MCPH1: variants seen among roughly 807,000 people sequenced by gnomAD.
The protein encoded by MCPH1 is microcephalin.
A neutral mutation model predicts 84.5 loss-of-function variants in MCPH1; 104 were observed. The ratio of observed to expected loss-of-function variants is 1.23; its 90% CI spans 1.05 to 1.45. MCPH1 has a LOEUF of 1.45. Ranked by LOEUF, MCPH1 falls within the 40% of genes most tolerant of loss-of-function variation. The pLI is 0.00. For synonymous variants in MCPH1, 514 were observed against 366.8 expected, an observed-to-expected ratio of 1.40 and a Z score of -4.58; for missense variants, 1,498 against 1,005.7, an observed-to-expected ratio of 1.49 and a Z score of -6.62.
intron 12 of MCPH1, chr8:6,562,578 T>TTTTTTTTTTTTTTTTTAAAAA: frequency 1.1e-6 from 1 of 880,186 alleles, no homozygotes; most frequent in Non-Finnish European, 1.6e-6. Context: ...TTTTGGTTGT[T>TTTTTTTTTTTTTTTTTAAAAA]AAAACCTGAG....
intron 9 of MCPH1, among the ~76,000 whole-genome samples, chr8:6,457,179 C>CT (rs1451190532): frequency 1.3e-5 from 2 of 152,256 alleles, no homozygotes; most frequent in East Asian, 3.9e-4. Context: ...TTTAAGTCTT[C>CT]TTTTAAAAAT....
chr8:6,420,332 C>T (rs957288838), intron 3 of MCPH1, among the ~76,000 whole-genome samples: 2 of 152,024 alleles, frequency 1.3e-5, no homozygotes, highest in African/African-American at 4.8e-5. Flanking sequence ...CATGTAAGTT[C>T]TCCAGGCTGT....
At chr8:6,536,275 A>G (rs1206635145) in intron 12 of MCPH1, among the ~76,000 whole-genome samples, 4 of 152,116 alleles carry the variant, frequency 2.6e-5, no homozygotes, top group African/African-American at 9.7e-5. Context: ...CCTGTGCTGT[A>G]TGGGAATCGC....
chr8:6,630,261 G>C (rs1258544456), intron 13 of MCPH1, among the ~76,000 whole-genome samples: 1 of 152,154 alleles, frequency 6.6e-6, no homozygotes, highest in Non-Finnish European at 1.5e-5. Flanking sequence ...TGTTGAAAAA[G>C]AAAGGCAGAG....
At chr8:6,544,698 A>G (rs934321968) in intron 12 of MCPH1, among the ~76,000 whole-genome samples, 1 of 152,208 alleles carries the variant, frequency 6.6e-6, no homozygotes, top group Non-Finnish European at 1.5e-5. Context: ...ATTTTTACAG[A>G]AAATGGCACT....
At chr8:6,546,826 A>G (rs924183674) in intron 12 of MCPH1, among the ~76,000 whole-genome samples, 26 of 152,166 alleles carry the variant, frequency 1.7e-4, no homozygotes, top group Non-Finnish European at 1.5e-4. Context: ...CTATGATTTG[A>G]TATGTTTATC....
chr8:6,503,149 G>C (rs757132919), intron 12 of MCPH1: 1 of 1,614,156 alleles, frequency 6.2e-7, no homozygotes, highest in Non-Finnish European at 8.5e-7. Context: ...TGAGCGAATA[G>C]CCTGAGCCTT....
chr8:6,598,296 A>C lies in MCPH1; in HGVS notation c.2215-23158A>C, dbSNP rs149110558. ...CAAGTTTAGGATGCAGCACATGCCA[A>C]GCTTTTCAGAGTCTCACAGTCAGGA... On this transcript the variant is annotated intron_variant, in intron 12 of 13. Coordinates refer to ENST00000344683, the MANE Select transcript of MCPH1 (RefSeq NM_024596.5). 3.0e-3 allele frequency among the ~76,000 whole-genome samples: 460 copies of C among 152,284 alleles called. 6 individuals are homozygous for C. The highest frequency in any genetic ancestry group is 0.011 in the African/African-American group (440 of 41,568).
chr8:6,426,639 A>G (rs532982443), intron 3 of MCPH1, among the ~76,000 whole-genome samples: 22 of 152,320 alleles, frequency 1.4e-4, no homozygotes, highest in Admixed American at 6.5e-5. Flanking sequence ...TACAATGGAC[A>G]TTTACATTTG....
At chr8:6,455,096 T>C (rs1364358553) in intron 8 of MCPH1, 47 bp from the exon 9 acceptor site, 1 of 1,408,280 alleles carries the variant, frequency 7.1e-7, no homozygotes, top group Admixed American at 1.7e-5. Context: ...AAGTTGTATT[T>C]GGTCCATGTA....
intron 8 of MCPH1, among the ~76,000 whole-genome samples, chr8:6,451,954 A>G (rs2129556490): frequency 6.6e-6 from 1 of 152,344 alleles, no homozygotes; most frequent in South Asian, 2.1e-4. Context: ...TAGCATTGTT[A>G]GTCTTAATTC....
In MCPH1 at chr8:6,621,606, C is replaced by A. The variant is rs764585700; in HGVS notation, c.2367C>A (p.Val789=). 1 of 1,614,214 alleles carries A rather than the reference C, an allele frequency of 6.2e-7. No individual in the cohort carries two copies. The highest frequency in any genetic ancestry group is 8.5e-7 in the Non-Finnish European group (1 of 1,180,036). Residue 789 remains valine, a synonymous_variant, in exon 13 of 14, where the codon GTC becomes GTA. Coordinates refer to ENST00000344683, the MANE Select transcript of MCPH1 (RefSeq NM_024596.5). ...VHLCGGRVSQ[V]PRQASIVIGP... ...TGTGCGGAGGCCGGGTCAGCCAAGTCCCCCGCCAGGCCAGCATCGTCATCG... is the reference window on the plus strand; with the variant it reads ...TGTGCGGAGGCCGGGTCAGCCAAGTACCCCGCCAGGCCAGCATCGTCATCG...
At chr8:6,506,084 C>T (rs1813675398) in intron 12 of MCPH1, among the ~76,000 whole-genome samples, 1 of 149,322 alleles carries the variant, frequency 6.7e-6, no homozygotes, top group South Asian at 2.1e-4. Context: ...TTTGTTATTT[C>T]ATCCAGGTTC....
intron 12 of MCPH1, among the ~76,000 whole-genome samples, chr8:6,574,971 A>C (rs1826950156): frequency 6.6e-6 from 1 of 152,232 alleles, no homozygotes; most frequent in African/African-American, 2.4e-5. Flanking sequence ...GAGATAAAGC[A>C]GTAAGAGGGA....
chr8:6,518,216 A>G (rs1363987365), intron 12 of MCPH1, among the ~76,000 whole-genome samples: 1 of 152,174 alleles, frequency 6.6e-6, no homozygotes, highest in Non-Finnish European at 1.5e-5. Flanking sequence ...CCCATTTCAC[A>G]TGCATCCTCT....
At chr8:6,618,586 CAG>C (rs1368757335) in intron 12 of MCPH1, 11 of 152,088 alleles carry the variant, frequency 7.2e-5, no homozygotes, top group East Asian at 5.8e-4. Context: ...TAAAAATACA[CAG>C]AGAATTTTTC....
In MCPH1 at chr8:6,645,696, T is replaced by C. The variant is rs771573873; in HGVS notation, c.*2647T>C. ...AATCTTGCAATCTTCCTAAAGATTA[T>C]ATACAAACCTAACAGAATTGTATTT... is the stretch of plus-strand genomic sequence containing the variant. On this transcript the variant is annotated 3_prime_UTR_variant, in exon 14 of 14. Coordinates refer to ENST00000344683, the MANE Select transcript of MCPH1 (RefSeq NM_024596.5). 2 of 150,282 alleles carry C rather than the reference T, an allele frequency of 1.3e-5. No individual in the cohort carries two copies. Among genetic ancestry groups the C allele is most frequent in the Non-Finnish European group, 3.0e-5 (2 of 67,778 alleles). The allele number at this position is 150,282 out of a possible 1,614,324, so 9.3% of individuals were successfully genotyped here. A position where few individuals can be genotyped will look rare whatever the true frequency, so the allele number is the denominator to read the frequency against.
chr8:6,599,016 C>T (rs961208943), intron 12 of MCPH1, among the ~76,000 whole-genome samples: 2 of 152,166 alleles, frequency 1.3e-5, no homozygotes, highest in Non-Finnish European at 2.9e-5. Context: ...AAGCGTGAAA[C>T]CTATTGAGAT....
At chr8:6,441,048 A>G (rs541303322) in intron 6 of MCPH1, among the ~76,000 whole-genome samples, 62 of 152,322 alleles carry the variant, frequency 4.1e-4, no homozygotes, top group Admixed American at 3.6e-3. Flanking sequence ...CCAGACGTCT[A>G]TCCAATATTC....
Sources: allele counts gnomAD v4.1 joint callset (sites outside exome capture counted in the v4.1 genomes callset), GRCh38; gene constraint gnomAD v4.1.1; transcripts MANE v1.5; gene names NCBI Gene and HGNC (gene_info 2026-07-23, HGNC 2026-07-21).